GLI2: variants seen among roughly 807,000 people sequenced by gnomAD.
GLI2 encodes the protein GLI family zinc finger 2.
Under a neutral mutation model 78.9 loss-of-function variants are expected in GLI2, and 22 were observed. That is an observed-to-expected ratio of 0.28 (90% CI 0.20 to 0.40). The LOEUF is 0.40. GLI2 is among the 10% of genes least tolerant of loss of function. The pLI is 1.00. For missense variants in GLI2, 2,097 were observed against 2,213.2 expected, an observed-to-expected ratio of 0.95 and a Z score of 1.05; for synonymous variants, 974 against 963.7, an observed-to-expected ratio of 1.01 and a Z score of -0.20.
At chr2:120,789,919 T>G (rs1359243692) in intron 1 of GLI2, among the ~76,000 whole-genome samples, 6 of 152,238 alleles carry the variant, frequency 3.9e-5, no homozygotes, top group Non-Finnish European at 5.9e-5. Context: ...CTGCTGTGAA[T>G]GGTGAAATTA....
rs376286159 is a variant in GLI2, at chr2:120,834,961, G to A, written c.148+37493G>A. Among the ~76,000 whole-genome samples, 166 of 152,244 alleles carry A rather than the reference G, an allele frequency of 1.1e-3. 1 individual carries two copies. The highest frequency in any genetic ancestry group is 2.9e-3 in the African/African-American group (121 of 41,544). ...CACATGGGTCCTCACTCTTCAGCTC[G>A]TTTTCCACTGTTTGTGTGCGACATT... On this transcript the variant is annotated intron_variant, in intron 2 of 13. Coordinates refer to ENST00000361492, the MANE Select transcript of GLI2 (RefSeq NM_001374353.1).
chr2:120,988,688 G>A lies in GLI2; in HGVS notation c.2723G>A (p.Arg908His), dbSNP rs1227169920. The part of the protein sequence containing the change: ...TRLALLDAPE[R>H]TLPAGCPRPL... The stretch of plus-strand genomic sequence containing the variant: ...CTGGCGCTGCTGGACGCGCCCGAGC[G>A]CACGCTGCCCGCCGGCTGCCCACGC... Residue 908 changes from arginine to histidine, a missense_variant, in exon 14 of 14, where the codon CGC becomes CAC. Transcript: ENST00000361492. The A allele has an allele frequency of 2.3e-6, 3 of 1,290,994 alleles. No individual in the cohort carries two copies. Among genetic ancestry groups the A allele is most frequent in the East Asian group, 7.9e-5 (2 of 25,248 alleles). The allele number at this position is 1,290,994 out of a possible 1,614,324, so 80.0% of individuals were successfully genotyped here.
chr2:120,886,935 G>A (rs958356968), intron 2 of GLI2, among the ~76,000 whole-genome samples: 11 of 152,342 alleles, frequency 7.2e-5, no homozygotes, highest in South Asian at 4.1e-4. Context: ...TGGGGCTCAC[G>A]CAAGGGCTGG....
chr2:120,773,441 C>T (rs1348992975), intron 1 of GLI2, among the ~76,000 whole-genome samples: 9 of 152,134 alleles, frequency 5.9e-5, no homozygotes, highest in Non-Finnish European at 1.2e-4. Context: ...ATGGGAAAGC[C>T]GTTGGGGGCT....
At chr2:120,959,283 A>G (rs1246933622) in intron 5 of GLI2, among the ~76,000 whole-genome samples, 1 of 152,152 alleles carries the variant, frequency 6.6e-6, no homozygotes, top group African/African-American at 2.4e-5. Flanking sequence ...ACATGGAGGT[A>G]ACGGGGAAGC....
chr2:120,910,705 G>C (rs544718732), intron 2 of GLI2, among the ~76,000 whole-genome samples: 4 of 152,320 alleles, frequency 2.6e-5, no homozygotes, highest in African/African-American at 9.6e-5. Flanking sequence ...TGTTTTCGGA[G>C]CCAGGCAGAA....
chr2:120,839,898 A>G (rs897531411), intron 2 of GLI2, among the ~76,000 whole-genome samples: 3 of 152,174 alleles, frequency 2.0e-5, no homozygotes, highest in Admixed American at 6.5e-5. Context: ...GCAAAGGTCT[A>G]ATTCAGGAGT....
At chr2:120,760,356 A>T (rs780511630) in intron 1 of GLI2, among the ~76,000 whole-genome samples, 9 of 152,164 alleles carry the variant, frequency 5.9e-5, no homozygotes, top group Non-Finnish European at 8.8e-5. Flanking sequence ...CCCAGGTGCC[A>T]TCGCTGTGCT....
At chr2:120,823,156 T>A (rs1410063934) in intron 2 of GLI2, among the ~76,000 whole-genome samples, 1 of 152,240 alleles carries the variant, frequency 6.6e-6, no homozygotes, top group East Asian at 1.9e-4. Context: ...GTCTTTGGTA[T>A]GCCGTTTGGT....
Position 120,989,146 on chromosome 2 carries a change from C to G in GLI2, c.3181C>G (p.Leu1061Val). ...CATCAAGGCGCACGCCAGTGGCGCT[C>G]TGGACGAGGGCACCGGGCAGGTGTA... ...QYIKAHASGA[L>V]DEGTGQVYPT... Residue 1061 changes from leucine to valine, a missense_variant, in exon 14 of 14, where the codon CTG becomes GTG. Physicochemically the swap from Leu to Val is conservative, Grantham distance 32. This residue lies in a region of GLI2 where 1,290 missense variants were observed against 1,261.7 expected (regional missense o/e 1.02). Transcript: ENST00000361492. 6.2e-7 allele frequency: 1 copy of G among 1,613,102 alleles called. No individual in the cohort carries two copies. The highest frequency in any genetic ancestry group is 1.3e-5 in the African/African-American group (1 of 75,060).
chr2:120,803,822 G>A (rs750721823), intron 2 of GLI2, among the ~76,000 whole-genome samples: 4 of 152,186 alleles, frequency 2.6e-5, no homozygotes, highest in Non-Finnish European at 5.9e-5. Flanking sequence ...TTTTTAATAC[G>A]CTTCACAGGT....
At chr2:120,758,071 A>T (rs1485180916) in intron 1 of GLI2, among the ~76,000 whole-genome samples, 1 of 152,136 alleles carries the variant, frequency 6.6e-6, no homozygotes, top group East Asian at 1.9e-4. Flanking sequence ...TGATGTGTTT[A>T]AGACCTGACG....
intron 2 of GLI2, among the ~76,000 whole-genome samples, chr2:120,833,218 C>T (rs1163527068): frequency 6.6e-6 from 1 of 150,930 alleles, no homozygotes; most frequent in Non-Finnish European, 1.5e-5. Flanking sequence ...CCTCCAGGGC[C>T]TACGAGATGG....
In GLI2 at chr2:120,890,323, G is replaced by A. The variant is rs545775409; in HGVS notation, c.149-37038G>A. ...GTTTAATGACAGTAGGGGTGAGGGA[G>A]AGGAGGGCAGCAGAAGGGTGCTCAT... On this transcript the variant is annotated intron_variant, in intron 2 of 13. Coordinates refer to ENST00000361492, the MANE Select transcript of GLI2 (RefSeq NM_001374353.1). 9.5e-4 allele frequency among the ~76,000 whole-genome samples: 144 copies of A among 152,348 alleles called. 6 individuals carry two copies. In the South Asian group the frequency reaches 0.027, roughly 29 times the overall value.
chr2:120,969,771 G>C (rs569687014), intron 6 of GLI2, among the ~76,000 whole-genome samples: 2 of 152,322 alleles, frequency 1.3e-5, no homozygotes, highest in African/African-American at 4.8e-5. Context: ...TCTGCTTAGG[G>C]CTGCTTGAGT....
At chr2:120,952,401 C>T (rs1217794624) in intron 4 of GLI2, among the ~76,000 whole-genome samples, 3 of 152,184 alleles carry the variant, frequency 2.0e-5, no homozygotes, top group Non-Finnish European at 4.4e-5. Context: ...AGCATTCTCC[C>T]CGAGAGGAAT....
rs187487409 is a variant in GLI2 at position 120,823,679 on chromosome 2, A to G, written c.148+26211A>G. Among the ~76,000 whole-genome samples the G allele has an allele frequency of 1.4e-3, 214 of 152,322 alleles. 2 individuals are homozygous for G. The highest frequency in any genetic ancestry group is 3.9e-3 in the African/African-American group (163 of 41,568). On this transcript the variant is annotated intron_variant, in intron 2 of 13. Coordinates refer to ENST00000361492, the MANE Select transcript of GLI2 (RefSeq NM_001374353.1). Reference sequence around the variant, plus strand: ...ATCCTTCCCTGATTCTCTTATGGGAAGATCTCCCGGCTGTGGGCTGTGGAG... The same window carrying G: ...ATCCTTCCCTGATTCTCTTATGGGAGGATCTCCCGGCTGTGGGCTGTGGAG...
intron 2 of GLI2, among the ~76,000 whole-genome samples, chr2:120,822,229 A>G (rs1335317496): frequency 2.6e-5 from 4 of 152,240 alleles, no homozygotes; most frequent in Admixed American, 2.6e-4. Context: ...AGTGTCTGGA[A>G]GGTGATAAAC....
chr2:120,908,918 A>T (rs539363811), intron 2 of GLI2, among the ~76,000 whole-genome samples: 23 of 152,138 alleles, frequency 1.5e-4, no homozygotes, highest in Admixed American at 1.0e-3. Context: ...GCAGGCTGAG[A>T]AGGCTTCACG....
Sources: allele counts gnomAD v4.1 joint callset (sites outside exome capture counted in the v4.1 genomes callset), GRCh38; gene constraint gnomAD v4.1.1; regional missense constraint gnomAD v4.1.1; transcripts MANE v1.5; gene names NCBI Gene and HGNC (gene_info 2026-07-23, HGNC 2026-07-21).